DPP6: variants seen among roughly 807,000 people sequenced by gnomAD.
The protein encoded by DPP6 is A-type potassium channel modulatory protein DPP6.
DPP6 carries 69 observed loss-of-function variants against 122.6 expected under a neutral mutation model. That is an observed-to-expected ratio of 0.56 (90% CI 0.46 to 0.69). The LOEUF is 0.69. Ranked by LOEUF, DPP6 falls within the 30% of genes least tolerant of loss-of-function variation. The pLI, the probability that DPP6 is intolerant of heterozygous loss-of-function variation, is 0.00. For synonymous variants in DPP6, 418 were observed against 433.1 expected (o/e 0.97, Z 0.43); for missense variants, 928 against 1,116.9 (o/e 0.83, Z 2.41).
At chr7:154,227,427 C>T (rs1218052192) in intron 1 of DPP6, among the ~76,000 whole-genome samples, 1 of 151,952 alleles carries the variant, frequency 6.6e-6, no homozygotes, top group Non-Finnish European at 1.5e-5. Context: ...AGTTGCTCTT[C>T]AGTGGGCTGT....
At chr7:154,461,298 G>A in intron 2 of DPP6, among the ~76,000 whole-genome samples, 1 of 152,066 alleles carries the variant, frequency 6.6e-6, no homozygotes, top group Non-Finnish European at 1.5e-5. Flanking sequence ...TCCAAATCTT[G>A]GGTATTGTAA....
chr7:154,481,346 G>GTGTGTGTGTGTGTGT lies in DPP6; in HGVS notation c.457+6309_457+6310insTGTGTGTGTGTGTGT, dbSNP rs58430009. Among the ~76,000 whole-genome samples, 465 of 148,054 alleles carry GTGTGTGTGTGTGTGT rather than the reference G, an allele frequency of 3.1e-3. 5 individuals carry two copies. Among genetic ancestry groups the GTGTGTGTGTGTGTGT allele is most frequent in the Middle Eastern group, 6.8e-3 (2 of 292 alleles). On this transcript the variant is annotated intron_variant, in intron 3 of 25. Coordinates refer to ENST00000377770, the MANE Select transcript of DPP6 (RefSeq NM_130797.4). This position sits in a 1 kb window ranked among gnomAD's most constrained non-coding sequence, Gnocchi z 4.2. Reference sequence around the variant, plus strand: ...ATACACTTGGAGAGAGAGAGAGAGGGGTGTGTGTGTGTGTGTGTGTGTGTG... The same window carrying GTGTGTGTGTGTGTGT: ...ATACACTTGGAGAGAGAGAGAGAGGGTGTGTGTGTGTGTGTGTGTGTGTGTGTGTGTGTGTGTGTG...
Position 154,446,714 on chromosome 7 carries a change from AG to A in DPP6, c.358+388del, listed in dbSNP as rs1819902577. On this transcript the variant is annotated intron_variant, in intron 2 of 25. Transcript: ENST00000377770. ...ATATGTTGAGTGTGAACTAAGGAGAAGGTGCTAAATAGGTACTACTGAATAT... is the reference window on the plus strand; with the variant it reads ...ATATGTTGAGTGTGAACTAAGGAGAAGTGCTAAATAGGTACTACTGAATAT... Among the ~76,000 whole-genome samples the A allele has an allele frequency of 2.0e-5, 3 of 152,354 alleles. No homozygotes were observed. In the South Asian group the frequency reaches 6.2e-4, roughly 32 times the overall value.
intron 1 of DPP6, among the ~76,000 whole-genome samples, chr7:153,890,600 G>A (rs1434845647): frequency 1.3e-5 from 2 of 151,958 alleles, no homozygotes; most frequent in African/African-American, 4.8e-5. Context: ...TTAAGAGAAG[G>A]CAGATGCACC....
chr7:154,500,194 CTTTGATCAGTGATCAG>C (rs1251532821), intron 3 of DPP6, among the ~76,000 whole-genome samples: 1 of 149,458 alleles, frequency 6.7e-6, no homozygotes, highest in African/African-American at 2.5e-5. Flanking sequence ...CAGAAAGCCA[CTTTGATCAGTGATCAG>C]TTTGAAGAAA....
At chr7:153,748,283 C>T in the DPP6 span, among the ~76,000 whole-genome samples, 1 of 151,392 alleles carries the variant, frequency 6.6e-6, no homozygotes, top group Non-Finnish European at 1.5e-5. Flanking sequence ...CCGACCATCC[C>T]GGGAAGATTT....
intron 1 of DPP6, among the ~76,000 whole-genome samples, chr7:154,178,470 T>C (rs6964058): frequency 0.043 from 6,560 of 150,880 alleles, 474 homozygotes; most frequent in African/African-American, 0.15. Context: ...CCCCAGCAAT[T>C]GTTTCACAGT....
At chr7:154,826,881 A>C (rs897345014) in intron 16 of DPP6, among the ~76,000 whole-genome samples, 5 of 152,186 alleles carry the variant, frequency 3.3e-5, no homozygotes, top group Non-Finnish European at 7.3e-5. Flanking sequence ...GCCCAGAAGA[A>C]GGTATTAGTT....
intron 1 of DPP6, among the ~76,000 whole-genome samples, chr7:154,292,890 A>G (rs1239652800): frequency 6.6e-6 from 1 of 152,202 alleles, no homozygotes; most frequent in Non-Finnish European, 1.5e-5. Context: ...ATTTTATTCT[A>G]CCTTCTCTCT....
rs147560693 is a variant in DPP6, at chr7:154,714,456, G to A, written c.763-13311G>A. Among the ~76,000 whole-genome samples the A allele has an allele frequency of 1.1e-4, 17 of 152,272 alleles. No individual in the cohort carries two copies. The East Asian group carries it at 2.7e-3, about 24-fold the overall frequency. On this transcript the variant is annotated intron_variant, in intron 7 of 25. Coordinates refer to ENST00000377770, the MANE Select transcript of DPP6 (RefSeq NM_130797.4). ...AAAGAAGGAGGTTTAATTGACTCAC[G>A]GTTCTGCATGGCTAGGGAGGCCTCA...
chr7:153,812,726 CT>C, the DPP6 span, among the ~76,000 whole-genome samples: 3 of 152,150 alleles, frequency 2.0e-5, no homozygotes, highest in African/African-American at 7.2e-5. Context: ...GGGATTCTTG[CT>C]CTTGACTCAG....
chr7:154,062,892 T>G (rs1190667555), intron 1 of DPP6, among the ~76,000 whole-genome samples: 1 of 132,516 alleles, frequency 7.5e-6, no homozygotes, highest in Non-Finnish European at 1.7e-5. Flanking sequence ...TCGTTGATCC[T>G]AAGATCCTTA....
intron 1 of DPP6, among the ~76,000 whole-genome samples, chr7:154,231,035 T>C (rs1017284557): frequency 1.3e-5 from 2 of 152,224 alleles, no homozygotes; most frequent in Admixed American, 6.5e-5. Context: ...TCTTGAAAGA[T>C]AGAATTTGAA....
intron 8 of DPP6, among the ~76,000 whole-genome samples, chr7:154,744,401 G>A (rs1284813001): frequency 3.9e-5 from 6 of 152,246 alleles, no homozygotes; most frequent in Non-Finnish European, 8.8e-5. Context: ...GGAACGGGAA[G>A]GGACACTGCC....
rs768773127 is a variant in DPP6 at position 154,237,880 on chromosome 7, G to A, written c.243+184817G>A. On this transcript the variant is annotated intron_variant, in intron 1 of 25. Transcript: ENST00000377770. Reference sequence around the variant, plus strand: ...CCCTGCTGAGGGGAGCCCTGGGAGCGTGTAAGTCCATCTCTGGGCAGGGAA... The same window carrying A: ...CCCTGCTGAGGGGAGCCCTGGGAGCATGTAAGTCCATCTCTGGGCAGGGAA... Among the ~76,000 whole-genome samples, 6 of 152,178 alleles carry A rather than the reference G, an allele frequency of 3.9e-5. No individual in the cohort carries two copies. In the East Asian group the frequency reaches 5.8e-4, roughly 15 times the overall value.
chr7:154,394,931 A>G (rs192293409), intron 1 of DPP6, among the ~76,000 whole-genome samples: 23 of 152,214 alleles, frequency 1.5e-4, no homozygotes, highest in Non-Finnish European at 2.9e-4. Flanking sequence ...TACTTAATGC[A>G]TTGGGATTGC....
At chr7:154,639,840 C>T (rs1979600) in intron 6 of DPP6, among the ~76,000 whole-genome samples, 47,270 of 152,090 alleles carry the variant, frequency 0.31, 7,578 homozygotes, top group Middle Eastern at 0.47. Flanking sequence ...TGTTCAACAA[C>T]CTGCAAGAAA....
intron 20 of DPP6, among the ~76,000 whole-genome samples, chr7:154,879,240 C>A (rs915366234): frequency 6.6e-6 from 1 of 151,578 alleles, no homozygotes; most frequent in African/African-American, 2.4e-5. Flanking sequence ...TCCAGGAGTT[C>A]AATCAAGACC....
At chr7:154,887,232 T>C (rs1806221167) in intron 22 of DPP6, among the ~76,000 whole-genome samples, 1 of 152,176 alleles carries the variant, frequency 6.6e-6, no homozygotes, top group Non-Finnish European at 1.5e-5. Flanking sequence ...CACTCTTCTG[T>C]CACCCAGCTG....
Sources: gnomAD v4.1 joint callset for allele counts (sites outside exome capture counted in the v4.1 genomes callset) on GRCh38, gnomAD v4.1.1 for gene constraint, Gnocchi (gnomAD v3.1) non-coding constraint, MANE v1.5 for transcripts, NCBI Gene and HGNC (gene_info 2026-07-23, HGNC 2026-07-21) for gene names.